MYH4: variants seen among roughly 807,000 people sequenced by gnomAD.
MYH4 encodes myosin-4.
MYH4 carries 200 observed loss-of-function variants against 229.9 expected under a neutral mutation model. That is an observed-to-expected ratio of 0.87 (90% CI 0.78 to 0.98). The LOEUF (loss-of-function observed/expected upper bound fraction) is 0.98, where lower values mean the gene tolerates loss of function less well. MYH4 is among the 50% of genes least tolerant of loss of function. MYH4 has a pLI of 0.00. For synonymous variants in MYH4, 761 were observed against 834.6 expected (o/e 0.91, Z 1.52); for missense variants, 2,148 against 2,332.6 (o/e 0.92, Z 1.63).
chr17:10,455,937 T>C (rs775486002), intron 17 of MYH4, 36 bp from the exon 18 acceptor site: 31 of 1,612,576 alleles, frequency 1.9e-5, no homozygotes, highest in East Asian at 4.5e-5. Flanking sequence ...AAATCATTTC[T>C]AGTTGCATCG....
intron 4 of MYH4, among the ~76,000 whole-genome samples, 172 bp from the exon 5 acceptor site, chr17:10,465,770 CTTTTTTT>C (rs957442606): frequency 1.0e-4 from 10 of 97,994 alleles, no homozygotes; most frequent in South Asian, 3.9e-4. Context: ...TTCAGTTTTT[CTTTTTTT>C]TTTTTTTTTT....
At position 10,455,868 on chromosome 17, in the gene MYH4, T is replaced by C. The variant is rs1244500695; in HGVS notation, c.2002A>G (p.Ser668Gly). ...NLNKLMTNLR[S>G]THPHFVRCII... is the part of the protein sequence containing the mutation. ...CACCGCACAAAGTGGGGGTGAGTGCTCCTCAAGTTGGTCATCAGCTTATTC... is the reference window on the plus strand; with the variant it reads ...CACCGCACAAAGTGGGGGTGAGTGCCCCTCAAGTTGGTCATCAGCTTATTC... Residue 668 changes from serine (S) to glycine (G), a missense_variant, in exon 18 of 40, where the codon AGC (serine) becomes GGC (glycine). Coordinates refer to ENST00000255381, the MANE Select transcript of MYH4 (RefSeq NM_017533.2). 1.2e-6 allele frequency: 2 copies of C among 1,614,236 alleles called. No homozygotes were observed. The highest frequency in any genetic ancestry group is 3.3e-4 in the Middle Eastern group (2 of 6,062).
chr17:10,447,156 C>A lies in MYH4; in HGVS notation c.5026G>T (p.Ala1676Ser). 6.2e-7 allele frequency: 1 copy of A among 1,614,136 alleles called. No individual in the cohort carries two copies. Among genetic ancestry groups the A allele is most frequent in the Non-Finnish European group, 8.5e-7 (1 of 1,180,018 alleles). ...AGGTTAGCTCTGCGCTCAACCATTG[C>A]CAGTTGTTCCTTAAGGTCATCTTGG... is the stretch of plus-strand genomic sequence containing the variant. Reference protein sequence around the residue: ...RGQDDLKEQLAMVERRANLMQ... With the variant: ...RGQDDLKEQLSMVERRANLMQ... Residue 1676 changes from alanine (A) to serine (S), a missense_variant, in exon 35 of 40, where the codon GCA becomes TCA. Transcript: ENST00000255381.
In MYH4 at chr17:10,454,981, A is replaced by G. The variant is rs1363588908; in HGVS notation, c.2395T>C (p.Phe799Leu). Residue 799 changes from phenylalanine (F) to leucine (L), a missense_variant, in exon 21 of 40, where the codon TTC (phenylalanine) becomes CTC (leucine). By Grantham distance (22) the Phe-to-Leu change is conservative. Coordinates refer to ENST00000255381, the MANE Select transcript of MYH4 (RefSeq NM_017533.2). Reference protein sequence around the residue: ...ITRTQAICRGFLMRVEFRKMM... With the variant: ...ITRTQAICRGLLMRVEFRKMM... ...TTTCTGAACTCCACTCTCATCAGGA[A>G]CCCTCTGCATATGGCTTGAGTGCGC... The G allele has an allele frequency of 7.4e-6, 12 of 1,614,068 alleles. No homozygotes were observed. Among genetic ancestry groups the G allele is most frequent in the Non-Finnish European group, 8.5e-6 (10 of 1,180,022 alleles).
Position 10,466,748 on chromosome 17 carries a change from C to A in MYH4, c.-3G>T. On this transcript the variant is annotated 5_prime_UTR_variant, in exon 3 of 40. Transcript: ENST00000255381. ...GCCATCTCAGAGTCAGAACTCATGG[C>A]TGCAGGTTATTGATGGCAGTACTGG... The A allele has an allele frequency of 6.2e-7, 1 of 1,614,206 alleles. No homozygotes were observed. The highest frequency in any genetic ancestry group is 1.1e-5 in the South Asian group (1 of 91,086).
chr17:10,452,212 T>G lies in MYH4; in HGVS notation c.3467A>C (p.Glu1156Ala), dbSNP rs753989447. ...CTGGGCTGAAGTGGCCCCACCGGCT[T>G]CTTCCAGCCTCTCACTGATCTCCTC... ...ELEEISERLE[E>A]AGGATSAQIE... is the part of the protein sequence containing the mutation. The change falls in exon 27 of 40, where the codon GAA becomes GCA. Residue 1156 changes from glutamate to alanine, a missense_variant. Glu to Ala is a moderately radical substitution (Grantham distance 107). Transcript: ENST00000255381. 31 of 1,613,812 alleles carry G rather than the reference T, an allele frequency of 1.9e-5. No homozygotes were observed. The Admixed American group carries it at 3.5e-4, about 18-fold the overall frequency.
chr17:10,465,843 C>T (rs931706724), intron 4 of MYH4, among the ~76,000 whole-genome samples: 13 of 133,148 alleles, frequency 9.8e-5, no homozygotes, highest in African/African-American at 1.7e-4. Flanking sequence ...GGCGGGATCT[C>T]GGCTCACTGC....
chr17:10,452,327 G>A lies in MYH4; in HGVS notation c.3352C>T (p.Arg1118Cys), dbSNP rs560659055. ...LQKKIKELQA[R>C]IEELEEEIEA... ...ATTTCCTCCTCCAGCTCCTCAATGC[G>A]GGCCTGGTTGTGATATGTCAACATT... The change falls in exon 27 of 40, where the codon CGC (arginine) becomes TGC (cysteine). Residue 1118 changes from arginine to cysteine, a missense_variant. Arg to Cys is a radical substitution (Grantham distance 180, BLOSUM62 -3). Coordinates refer to ENST00000255381, the MANE Select transcript of MYH4 (RefSeq NM_017533.2). 99 of 1,613,940 alleles carry A rather than the reference G, an allele frequency of 6.1e-5. 1 individual carries two copies. The South Asian group carries it at 6.1e-4, about 10-fold the overall frequency.
At chr17:10,448,255 C>T in intron 33 of MYH4, 129 bp from the exon 34 acceptor site, 2 of 1,299,456 alleles carry the variant, frequency 1.5e-6, no homozygotes, top group Non-Finnish European at 1.0e-6. Context: ...CCTATTAGCT[C>T]TGCATTCTCA....
chr17:10,455,521 T>C (rs1773800829), intron 19 of MYH4, 93 bp downstream of exon 19: 2 of 1,501,382 alleles, frequency 1.3e-6, no homozygotes, highest in Non-Finnish European at 1.8e-6. Flanking sequence ...TAATTGCATG[T>C]CATTTTTCAA....
intron 4 of MYH4, 141 bp from the exon 5 acceptor site, chr17:10,465,739 C>G: frequency 1.3e-6 from 1 of 777,032 alleles, no homozygotes; most frequent in Non-Finnish European, 2.0e-6. Flanking sequence ...CTCCTTCCAT[C>G]ATTGCTGCTG....
chr17:10,461,824 G>A (rs4791988), intron 11 of MYH4, among the ~76,000 whole-genome samples: 54,707 of 152,008 alleles, frequency 0.36, 10,895 homozygotes, highest in East Asian at 0.82. Flanking sequence ...AGAGCAGGCA[G>A]AGGAAAATAT....
intron 38 of MYH4, 25 bp from the exon 39 acceptor site, chr17:10,444,724 G>A: frequency 6.2e-7 from 1 of 1,611,676 alleles, no homozygotes. Context: ...AGTAGATGGT[G>A]CCATTATTTT....
intron 28 of MYH4, 74 bp downstream of exon 28, chr17:10,451,252 G>A: frequency 2.0e-6 from 3 of 1,530,326 alleles, no homozygotes; most frequent in Non-Finnish European, 2.7e-6. Flanking sequence ...GAAATTACTT[G>A]TATTTGATAG....
rs748055884 is a variant in MYH4 at position 10,459,246 on chromosome 17, T to C, written c.1587+5A>G. The C allele has an allele frequency of 3.7e-6, 6 of 1,613,932 alleles. No individual in the cohort carries two copies. Among genetic ancestry groups the C allele is most frequent in the Non-Finnish European group, 5.1e-6 (6 of 1,179,966 alleles). ...TGTTTTGAAAGCTAGAAAAGTCATA[T>C]GAACCTTCTCGATGAGCTCGATGCA... On this transcript the variant is annotated splice_donor_5th_base_variant and intron_variant, in intron 15 of 39. Coordinates refer to ENST00000255381, the MANE Select transcript of MYH4 (RefSeq NM_017533.2).
rs565082643 is a variant in MYH4, at chr17:10,450,883, C to T, written c.3878G>A (p.Arg1293Gln). The T allele has an allele frequency of 8.7e-6, 14 of 1,613,418 alleles. No homozygotes were observed. The highest frequency in any genetic ancestry group is 1.7e-5 in the Admixed American group (1 of 60,010). Residue 1293 changes from arginine to glutamine, a missense_variant, in exon 29 of 40, where the codon CGA becomes CAA. By Grantham distance (43) the Arg-to-Gln change is conservative (BLOSUM62 1). Transcript: ENST00000255381. The stretch of plus-strand genomic sequence containing the variant: ...CATAGCATCTTTTTCATCTAGCTGT[C>T]GTGAAAACTCACCTGTGGAAGACAA... ...RLHTESGEFS[R>Q]QLDEKDAMVS...
Position 10,455,031 on chromosome 17 carries a change from T to C in MYH4, c.2345A>G (p.Asp782Gly). The C allele has an allele frequency of 4.3e-6, 7 of 1,614,190 alleles. No homozygotes were observed. The highest frequency in any genetic ancestry group is 5.9e-6 in the Non-Finnish European group (7 of 1,180,040). ...GLLGTLEEMRDEKLAQLITRT... is the reference protein window; with the variant it reads ...GLLGTLEEMRGEKLAQLITRT... ...CGTGATGAGTTGAGCTAGCTTTTCA[T>C]CTCGCATTTCCTCTAGAGTTCCCAG... The change falls in exon 21 of 40, where the codon GAT (aspartate) becomes GGT (glycine). Residue 782 changes from aspartate to glycine, a missense_variant. Asp to Gly is a moderately conservative substitution (Grantham distance 94, BLOSUM62 -1). Transcript: ENST00000255381.
intron 5 of MYH4, among the ~76,000 whole-genome samples, chr17:10,465,075 C>T (rs900409965): frequency 6.6e-6 from 1 of 152,202 alleles, no homozygotes; most frequent in Non-Finnish European, 1.5e-5. Context: ...TAACTTGTCA[C>T]TGTGAGTCTT....
At position 10,452,162 on chromosome 17, in the gene MYH4, C is replaced by A. The variant is rs775420610; in HGVS notation, c.3517G>T (p.Ala1173Ser). The change falls in exon 27 of 40, where the codon GCT becomes TCT. Residue 1173 changes from alanine (A) to serine (S), a missense_variant. By Grantham distance (99) the Ala-to-Ser change is moderately conservative. Transcript: ENST00000255381. ...TCCCTGCGCATTTTCTGGAACTCAG[C>A]CTCCCGCTTCTTGTTCATCTCAATC... is the stretch of plus-strand genomic sequence containing the variant. ...AQIEMNKKRE[A>S]EFQKMRRDLE... The A allele has an allele frequency of 6.2e-7, 1 of 1,614,024 alleles. No homozygotes were observed. The highest frequency in any genetic ancestry group is 2.2e-5 in the East Asian group (1 of 44,874).
Sources: gnomAD v4.1 joint callset for allele counts (sites outside exome capture counted in the v4.1 genomes callset) on GRCh38, gnomAD v4.1.1 for gene constraint, MANE v1.5 for transcripts, NCBI Gene and HGNC (gene_info 2026-07-23, HGNC 2026-07-21) for gene names.